Variants in PHF21A observed in about 807,000 individuals in gnomAD.
PHF21A encodes PHD finger protein 21A.
In PHF21A, 11 loss-of-function variants were observed where a neutral mutation model predicts 82.5. That is an observed-to-expected ratio of 0.13 (90% CI 0.08 to 0.22). The LOEUF is 0.22. Ranked by LOEUF, PHF21A falls within the 10% of genes least tolerant of loss-of-function variation. PHF21A has a pLI of 1.00. For synonymous variants in PHF21A, 297 were observed against 302.8 expected (o/e 0.98, Z 0.20); for missense variants, 579 against 837.8 (o/e 0.69, Z 3.81).
intron 10 of PHF21A, among the ~76,000 whole-genome samples, chr11:45,961,083 T>C (rs1052621114): frequency 6.6e-6 from 1 of 152,208 alleles, no homozygotes; most frequent in Non-Finnish European, 1.5e-5. Flanking sequence ...GGATATCTGT[T>C]ATACTCATGT....
At chr11:46,026,146 C>A (rs1299144058) in intron 6 of PHF21A, among the ~76,000 whole-genome samples, 1 of 152,074 alleles carries the variant, frequency 6.6e-6, no homozygotes. Context: ...ACCAAAATAC[C>A]AAAATATCCA....
intron 6 of PHF21A, among the ~76,000 whole-genome samples, chr11:46,062,319 C>A (rs2096545447): frequency 6.6e-6 from 1 of 152,052 alleles, no homozygotes; most frequent in South Asian, 2.1e-4. Context: ...TCCCTTGTCT[C>A]AGAACTTTTA....
At chr11:46,115,405 G>A (rs377546343) in intron 1 of PHF21A, among the ~76,000 whole-genome samples, 3 of 152,148 alleles carry the variant, frequency 2.0e-5, no homozygotes, top group Non-Finnish European at 2.9e-5. Flanking sequence ...AGAATTATAC[G>A]AAAGCCTACA....
intron 1 of PHF21A, among the ~76,000 whole-genome samples, chr11:46,119,111 T>A (rs191678492): frequency 6.7e-6 from 1 of 150,130 alleles, no homozygotes. Context: ...ACAACTGCTT[T>A]AAAAAAAAAA....
chr11:45,963,924 C>T (rs1048641688), intron 10 of PHF21A, among the ~76,000 whole-genome samples: 9 of 151,804 alleles, frequency 5.9e-5, no homozygotes, highest in Non-Finnish European at 1.3e-4. Context: ...CTGGGCTGGG[C>T]GTGGTGGCTC....
At chr11:46,087,261 A>C (rs2135353449) in intron 3 of PHF21A, among the ~76,000 whole-genome samples, 2 of 152,366 alleles carry the variant, frequency 1.3e-5, no homozygotes, top group South Asian at 4.1e-4. Flanking sequence ...AATGCTCAGG[A>C]AAAGAAAAAG....
chr11:45,994,984 A>G (rs1173495584), intron 6 of PHF21A, among the ~76,000 whole-genome samples: 1 of 152,226 alleles, frequency 6.6e-6, no homozygotes, highest in Non-Finnish European at 1.5e-5. Flanking sequence ...AGCCCACAGA[A>G]ATGTGTATAA....
chr11:45,959,949 T>C (rs764015682), intron 10 of PHF21A, among the ~76,000 whole-genome samples: 1 of 152,196 alleles, frequency 6.6e-6, no homozygotes, highest in Non-Finnish European at 1.5e-5. Flanking sequence ...ATGCTCAGCA[T>C]CATTAGTCAT....
chr11:46,041,998 G>A (rs560192506), intron 6 of PHF21A, among the ~76,000 whole-genome samples: 1 of 152,172 alleles, frequency 6.6e-6, no homozygotes, highest in South Asian at 2.1e-4. Flanking sequence ...CTGTATGTCT[G>A]TTTAAGTGTT....
intron 6 of PHF21A, among the ~76,000 whole-genome samples, chr11:46,018,550 C>A (rs567511527): frequency 2.0e-5 from 3 of 152,138 alleles, no homozygotes; most frequent in Non-Finnish European, 4.4e-5. Context: ...CTGAAATAGC[C>A]GTCTGTGCAT....
chr11:46,038,504 A>C (rs560792981), intron 6 of PHF21A, among the ~76,000 whole-genome samples: 1 of 152,198 alleles, frequency 6.6e-6, no homozygotes, highest in Non-Finnish European at 1.5e-5. Context: ...AAGGAGGTAA[A>C]GGAGTCAGTT....
intron 10 of PHF21A, among the ~76,000 whole-genome samples, chr11:45,964,149 G>T (rs2093288529): frequency 6.6e-6 from 1 of 150,486 alleles, no homozygotes; most frequent in Non-Finnish European, 1.5e-5. Flanking sequence ...AGTGAGCTGA[G>T]ATCGTGCCAT....
In PHF21A at chr11:46,015,009, T is replaced by TA. The variant is rs1367139681; in HGVS notation, c.154-35044dup. Among the ~76,000 whole-genome samples, 21 of 148,266 alleles carry TA rather than the reference T, an allele frequency of 1.4e-4. 2 individuals carry two copies. Among genetic ancestry groups the TA allele is most frequent in the Non-Finnish European group, 2.8e-4 (19 of 67,034 alleles). ...AAAAAAAAAAATAAAAATAAAAAAATAAAAAAAAATAAAAAAATAAAAAAT... is the reference window on the plus strand; with the variant it reads ...AAAAAAAAAAATAAAAATAAAAAAATAAAAAAAAAATAAAAAAATAAAAAAT... On this transcript the variant is annotated intron_variant, in intron 6 of 18. Coordinates refer to ENST00000676320, the MANE Select transcript of PHF21A (RefSeq NM_001352027.3).
intron 6 of PHF21A, among the ~76,000 whole-genome samples, chr11:46,056,758 T>C (rs1240414219): frequency 2.6e-5 from 4 of 152,068 alleles, no homozygotes; most frequent in African/African-American, 9.7e-5. Flanking sequence ...TAAAAGACCC[T>C]TAGAGAGGGA....
chr11:45,944,602 C>T (rs138433415), intron 15 of PHF21A, among the ~76,000 whole-genome samples: 1 of 152,260 alleles, frequency 6.6e-6, no homozygotes, highest in Non-Finnish European at 1.5e-5. Context: ...CTATCCTGGC[C>T]CTCTTGCTTT....
At chr11:45,984,018 G>A (rs2094405823) in intron 6 of PHF21A, among the ~76,000 whole-genome samples, 1 of 152,066 alleles carries the variant, frequency 6.6e-6, no homozygotes, top group African/African-American at 2.4e-5. Flanking sequence ...TATTTTCAAA[G>A]GTATTCACAT....
At chr11:45,950,556 A>G (rs1305941658) in intron 11 of PHF21A, among the ~76,000 whole-genome samples, 1 of 152,066 alleles carries the variant, frequency 6.6e-6, no homozygotes, top group Admixed American at 6.6e-5. Context: ...AAAAAAACTC[A>G]TGATGTTTTA....
At chr11:46,103,658 T>C (rs2097123886) in intron 1 of PHF21A, among the ~76,000 whole-genome samples, 1 of 152,216 alleles carries the variant, frequency 6.6e-6, no homozygotes, top group Non-Finnish European at 1.5e-5. Context: ...GGAGCCATTA[T>C]GCTACTTTAA....
intron 1 of PHF21A, chr11:46,116,593 G>C (rs2097292689): frequency 6.6e-6 from 1 of 150,954 alleles, no homozygotes; most frequent in Non-Finnish European, 1.5e-5. Flanking sequence ...ATGAGAAACT[G>C]ACTAGGCAGC....
Sources: gnomAD v4.1 joint callset for allele counts (sites outside exome capture counted in the v4.1 genomes callset) on GRCh38, gnomAD v4.1.1 for gene constraint, MANE v1.5 for transcripts, NCBI Gene and HGNC (gene_info 2026-07-23, HGNC 2026-07-21) for gene names.